The following CATSPERB variants were observed in gnomAD, a reference collection of about 807,000 sequenced individuals.
CATSPERB encodes cation channel sperm-associated auxiliary subunit beta.
In CATSPERB, 93 loss-of-function variants were observed where a neutral mutation model predicts 128.3. The ratio of observed to expected loss-of-function variants is 0.72; its 90% CI spans 0.61 to 0.86. The LOEUF is 0.86. Ranked by LOEUF, CATSPERB falls within the 40% of genes least tolerant of loss-of-function variation. CATSPERB has a pLI of 0.00. For missense variants in CATSPERB, 1,153 were observed against 1,329.5 expected, an observed-to-expected ratio of 0.87 and a Z score of 2.06; for synonymous variants, 381 against 448.8, an observed-to-expected ratio of 0.85 and a Z score of 1.91.
chr14:91,702,716 C>T (rs1004801666), intron 7 of CATSPERB, among the ~76,000 whole-genome samples: 2 of 117,718 alleles, frequency 1.7e-5, no homozygotes, highest in Admixed American at 9.2e-5. Context: ...AAACCAAAAA[C>T]ATTGTTATAA....
intron 17 of CATSPERB, among the ~76,000 whole-genome samples, chr14:91,629,870 G>T (rs1402205902): frequency 1.3e-5 from 2 of 152,148 alleles, no homozygotes; most frequent in Admixed American, 1.3e-4. Flanking sequence ...AAGGAAAGGG[G>T]ATTTGTGCAA....
At chr14:91,710,863 T>C (rs1040766288) in intron 5 of CATSPERB, among the ~76,000 whole-genome samples, 4 of 152,182 alleles carry the variant, frequency 2.6e-5, no homozygotes, top group Admixed American at 6.5e-5. Flanking sequence ...CTTGCTGTGG[T>C]GTGGTTAGTG....
Position 91,639,260 on chromosome 14 carries a change from A to G in CATSPERB, c.1433-10T>C, listed in dbSNP as rs1299743310. 1 of 1,611,198 alleles carries G rather than the reference A, an allele frequency of 6.2e-7. No individual in the cohort carries two copies. Among genetic ancestry groups the G allele is most frequent in the East Asian group, 2.2e-5 (1 of 44,854 alleles). On this transcript the variant is annotated splice_polypyrimidine_tract_variant and intron_variant, in intron 15 of 26. Coordinates refer to ENST00000256343, the MANE Select transcript of CATSPERB (RefSeq NM_024764.4). ...CTGTATCTTCCCATTCCTATTAGGA[A>G]ATACAGAGAAGTGTCTTGATACTGA... is the stretch of plus-strand genomic sequence containing the variant.
At chr14:91,721,644 T>C (rs1896032023) in intron 4 of CATSPERB, among the ~76,000 whole-genome samples, 2 of 151,958 alleles carry the variant, frequency 1.3e-5, no homozygotes, top group Non-Finnish European at 2.9e-5. Flanking sequence ...GGTCAGGAGA[T>C]CAAGACCATC....
intron 13 of CATSPERB, 43 bp downstream of exon 13, chr14:91,672,824 G>A: frequency 2.8e-6 from 4 of 1,427,178 alleles, no homozygotes; most frequent in Non-Finnish European, 3.7e-6. Context: ...AATTTTTATT[G>A]TTGTCATGTC....
intron 10 of CATSPERB, among the ~76,000 whole-genome samples, chr14:91,687,355 G>A (rs1371903808): frequency 2.0e-5 from 3 of 152,154 alleles, no homozygotes; most frequent in Non-Finnish European, 4.4e-5. Context: ...TTTGGGAGGT[G>A]ATAAGGTGAA....
intron 19 of CATSPERB, among the ~76,000 whole-genome samples, chr14:91,619,883 GT>G (rs1894011557): frequency 1.4e-5 from 2 of 147,836 alleles, no homozygotes; most frequent in Non-Finnish European, 3.1e-5. Context: ...GTGTGTGTGT[GT>G]GTGTGTGTGT....
intron 5 of CATSPERB, among the ~76,000 whole-genome samples, chr14:91,715,339 A>G: frequency 6.6e-6 from 1 of 152,020 alleles, no homozygotes; most frequent in Middle Eastern, 3.2e-3. Flanking sequence ...AGGTGGGTGG[A>G]TCACCTGAGG....
chr14:91,660,211 G>T (rs1008785898), intron 14 of CATSPERB, among the ~76,000 whole-genome samples: 1 of 152,020 alleles, frequency 6.6e-6, no homozygotes, highest in African/African-American at 2.4e-5. Context: ...GTATGAAGGT[G>T]TCTGTGGCAG....
At chr14:91,604,798 G>T (rs1420221762) in intron 22 of CATSPERB, 11 of 1,607,614 alleles carry the variant, frequency 6.8e-6, no homozygotes, top group African/African-American at 1.3e-5. Context: ...AGAGGCTGGG[G>T]TAGGTAGGTG....
intron 22 of CATSPERB, chr14:91,604,529 T>C: frequency 6.2e-7 from 1 of 1,606,094 alleles, no homozygotes; most frequent in Admixed American, 1.7e-5. Context: ...CAAGGCAGCC[T>C]CCAAGTCACT....
At chr14:91,607,242 A>G (rs916200501) in intron 22 of CATSPERB, among the ~76,000 whole-genome samples, 2 of 152,224 alleles carry the variant, frequency 1.3e-5, no homozygotes, top group Non-Finnish European at 2.9e-5. Context: ...CAGAAAGACA[A>G]GAAATAAAAT....
In CATSPERB at chr14:91,700,280, G is replaced by T. The variant is rs1311277050; in HGVS notation, c.616+4272C>A. Among the ~76,000 whole-genome samples the T allele has an allele frequency of 4.6e-5, 7 of 152,250 alleles. No individual in the cohort carries two copies. In the South Asian group the frequency reaches 1.5e-3, roughly 32 times the overall value. On this transcript the variant is annotated intron_variant, in intron 7 of 26. Transcript: ENST00000256343. The stretch of plus-strand genomic sequence containing the variant: ...ATGAACTCATTCTTTTTTTATGACT[G>T]CATAGTAATACGCTGCTGGATTCCT...
At chr14:91,720,333 A>G (rs1896008757) in intron 4 of CATSPERB, among the ~76,000 whole-genome samples, 1 of 151,518 alleles carries the variant, frequency 6.6e-6, no homozygotes, top group Non-Finnish European at 1.5e-5. Flanking sequence ...CTATGCTTCA[A>G]AATTTCAGTT....
At chr14:91,596,670 A>T (rs539653243) in intron 22 of CATSPERB, among the ~76,000 whole-genome samples, 7 of 152,318 alleles carry the variant, frequency 4.6e-5, no homozygotes, top group Non-Finnish European at 1.0e-4. Context: ...ATTATTACTG[A>T]TAATGTACAC....
At chr14:91,638,048 G>T (rs2139804168) in intron 16 of CATSPERB, among the ~76,000 whole-genome samples, 1 of 152,264 alleles carries the variant, frequency 6.6e-6, no homozygotes, top group South Asian at 2.1e-4. Flanking sequence ...TCAGAGAGGG[G>T]AAGATAAACA....
intron 22 of CATSPERB, among the ~76,000 whole-genome samples, chr14:91,600,572 T>G (rs1026146387): frequency 3.3e-5 from 5 of 152,224 alleles, no homozygotes; most frequent in Admixed American, 3.3e-4. Flanking sequence ...TTGCTCACGA[T>G]AGCAATTTTA....
intron 5 of CATSPERB, among the ~76,000 whole-genome samples, chr14:91,713,375 T>C (rs547963838): frequency 6.6e-6 from 1 of 151,980 alleles, no homozygotes; most frequent in South Asian, 2.1e-4. Context: ...AAAAACAATA[T>C]ACACAATTAA....
intron 16 of CATSPERB, 122 bp downstream of exon 16, chr14:91,638,974 C>T: frequency 1.2e-6 from 1 of 807,868 alleles, no homozygotes; most frequent in South Asian, 1.9e-5. Context: ...TTAAATAGAG[C>T]AAACTGCATT....
Sources: gnomAD v4.1 joint callset for allele counts (sites outside exome capture counted in the v4.1 genomes callset) on GRCh38, gnomAD v4.1.1 for gene constraint, MANE v1.5 for transcripts, NCBI Gene and HGNC (gene_info 2026-07-23, HGNC 2026-07-21) for gene names.